Variants in SDK1 observed in about 807,000 individuals in gnomAD.
The protein encoded by SDK1 is sidekick cell adhesion molecule 1.
A neutral mutation model predicts 245.5 loss-of-function variants in SDK1; 157 were observed. The observed-to-expected ratio is 0.64, with a 90% CI of 0.56 to 0.73. SDK1 has a LOEUF of 0.73. Among genes scored for constraint, SDK1 ranks in the 30% least tolerant of loss-of-function variants. The pLI is 0.00. For missense variants in SDK1, 3,583 were observed against 3,002.3 expected (o/e 1.19, Z -4.52); for synonymous variants, 1,647 against 1,278.5 (o/e 1.29, Z -6.15).
chr7:4,190,469 AG>A (rs1251797519), intron 35 of SDK1, among the ~76,000 whole-genome samples: 9 of 152,344 alleles, frequency 5.9e-5, no homozygotes, highest in African/African-American at 2.2e-4. Context: ...CGGAGTCCGC[AG>A]GGGGCTCCCC....
chr7:3,909,655 G>A (rs1779090869), intron 5 of SDK1, among the ~76,000 whole-genome samples: 1 of 152,172 alleles, frequency 6.6e-6, no homozygotes, highest in Admixed American at 6.5e-5. Context: ...CCAGTATGAG[G>A]CTGTATTATG....
chr7:4,097,219 G>A (rs1352618521), intron 22 of SDK1, among the ~76,000 whole-genome samples: 4 of 152,362 alleles, frequency 2.6e-5, no homozygotes, highest in East Asian at 3.9e-4. Context: ...GGCCTGGGCC[G>A]ACTCTGGGTG....
chr7:3,877,574 C>T (rs1230106426), intron 5 of SDK1, among the ~76,000 whole-genome samples: 1 of 152,080 alleles, frequency 6.6e-6, no homozygotes, highest in Non-Finnish European at 1.5e-5. Flanking sequence ...TGGTTTATCC[C>T]TTTTAACTTT....
intron 1 of SDK1, among the ~76,000 whole-genome samples, chr7:3,459,315 C>T (rs976511933): frequency 2.6e-5 from 4 of 152,078 alleles, no homozygotes; most frequent in African/African-American, 7.2e-5. Flanking sequence ...TTGTATGGCT[C>T]ATCACTTTTA....
At chr7:3,592,127 T>C (rs1040278249) in intron 1 of SDK1, among the ~76,000 whole-genome samples, 2 of 152,354 alleles carry the variant, frequency 1.3e-5, no homozygotes, top group African/African-American at 4.8e-5. Context: ...TTACTGCCTG[T>C]GGAGTGAGGA....
chr7:3,865,078 C>G (rs900897626), intron 5 of SDK1, among the ~76,000 whole-genome samples: 1 of 152,190 alleles, frequency 6.6e-6, no homozygotes, highest in African/African-American at 2.4e-5. Flanking sequence ...GTCCCCGTGC[C>G]CTCCAGCACG....
intron 4 of SDK1, among the ~76,000 whole-genome samples, chr7:3,740,944 C>A (rs1358263880): frequency 6.6e-6 from 1 of 152,178 alleles, no homozygotes; most frequent in East Asian, 1.9e-4. Flanking sequence ...TAGAAACATT[C>A]TGTAGTTCAT....
intron 1 of SDK1, among the ~76,000 whole-genome samples, chr7:3,447,777 T>C (rs1780388455): frequency 6.8e-6 from 1 of 146,372 alleles, no homozygotes. Context: ...TGATCTCGGC[T>C]CACCGCAACC....
chr7:3,744,463 C>T (rs1343082607), intron 4 of SDK1, among the ~76,000 whole-genome samples: 2 of 151,870 alleles, frequency 1.3e-5, no homozygotes, highest in South Asian at 2.1e-4. Flanking sequence ...TACAGTATAA[C>T]CTAGCAAGGA....
chr7:3,330,940 T>C (rs979257681), intron 1 of SDK1, among the ~76,000 whole-genome samples: 1 of 151,800 alleles, frequency 6.6e-6, no homozygotes, highest in East Asian at 1.9e-4. Flanking sequence ...CACTCCAGCC[T>C]GGATGACAGA....
intron 28 of SDK1, among the ~76,000 whole-genome samples, chr7:4,140,310 C>A (rs1363753763): frequency 6.6e-6 from 1 of 152,198 alleles, no homozygotes; most frequent in African/African-American, 2.4e-5. Context: ...AAGGCTCTTC[C>A]CGAGGACTCT....
intron 32 of SDK1, among the ~76,000 whole-genome samples, chr7:4,173,851 G>A (rs554772128): frequency 1.3e-5 from 2 of 152,290 alleles, no homozygotes; most frequent in South Asian, 4.2e-4. Flanking sequence ...TTCAGAGCAG[G>A]CCGCCTCTCG....
At chr7:3,715,472 C>T (rs989774627) in intron 4 of SDK1, among the ~76,000 whole-genome samples, 3 of 152,160 alleles carry the variant, frequency 2.0e-5, no homozygotes, top group Admixed American at 6.5e-5. Flanking sequence ...GAACCAGACA[C>T]CCCTCACCTT....
chr7:3,815,356 C>A (rs1779481356), intron 4 of SDK1, among the ~76,000 whole-genome samples: 2 of 123,306 alleles, frequency 1.6e-5, no homozygotes, highest in Non-Finnish European at 3.4e-5. Context: ...GCTTTTTCTG[C>A]ATCTATTGAG....
intron 1 of SDK1, among the ~76,000 whole-genome samples, chr7:3,332,633 G>T (rs1199167602): frequency 6.6e-6 from 1 of 152,040 alleles, no homozygotes; most frequent in Admixed American, 6.5e-5. Flanking sequence ...CTAGGCCCTA[G>T]AAAGGCTCTG....
chr7:3,585,668 G>A (rs929041228), intron 1 of SDK1, among the ~76,000 whole-genome samples: 2 of 152,186 alleles, frequency 1.3e-5, no homozygotes, highest in South Asian at 2.1e-4. Flanking sequence ...CAGCAGGTGT[G>A]CTGAGGTGGC....
At chr7:3,363,116 T>C (rs1020578132) in intron 1 of SDK1, among the ~76,000 whole-genome samples, 1 of 152,206 alleles carries the variant, frequency 6.6e-6, no homozygotes. Context: ...GTTGCCCTTC[T>C]GCAGCCACAC....
intron 5 of SDK1, among the ~76,000 whole-genome samples, chr7:3,875,563 C>T (rs1311656902): frequency 6.6e-6 from 1 of 152,200 alleles, no homozygotes; most frequent in Non-Finnish European, 1.5e-5. Context: ...TGGTAGGCGT[C>T]CCCTCTTTAT....
intron 5 of SDK1, among the ~76,000 whole-genome samples, chr7:3,930,445 C>T (rs189039057): frequency 6.6e-6 from 1 of 152,274 alleles, no homozygotes; most frequent in Admixed American, 6.5e-5. Flanking sequence ...TTGAGAAGCA[C>T]TGACATGGAA....
Sources: allele counts gnomAD v4.1 joint callset (sites outside exome capture counted in the v4.1 genomes callset), GRCh38; gene constraint gnomAD v4.1.1; transcripts MANE v1.5; gene names NCBI Gene and HGNC (gene_info 2026-07-23, HGNC 2026-07-21).